Variants in KNG1 observed in about 807,000 individuals in gnomAD.
The protein encoded by KNG1 is kininogen-1.
A neutral mutation model predicts 47.8 loss-of-function variants in KNG1; 23 were observed. That is an observed-to-expected ratio of 0.48 (90% confidence interval 0.35 to 0.68). KNG1 has a LOEUF of 0.68. KNG1 is among the 30% of genes least tolerant of loss of function. KNG1 has a pLI of 0.01. For missense variants in KNG1, 762 were observed against 790.2 expected (o/e 0.96, Z 0.43); for synonymous variants, 277 against 277.0 (o/e 1.00, Z 0.00).
rs1720537220 is a variant in KNG1, at chr3:186,731,643, CAT to C, written c.757+15_757+16del. 6.7e-7 allele frequency: 1 copy of C among 1,495,676 alleles called. No homozygotes were observed. Among genetic ancestry groups the C allele is most frequent in the Non-Finnish European group, 9.3e-7 (1 of 1,072,050 alleles). The allele number at this position is 1,495,676 out of a possible 1,614,324, so 92.7% of individuals were successfully genotyped here. A position where few individuals can be genotyped will look rare whatever the true frequency, so the allele number is the denominator to read the frequency against. On this transcript the variant is annotated intron_variant, in intron 6 of 9. Coordinates refer to ENST00000644859, the MANE Select transcript of KNG1 (RefSeq NM_001102416.3). ...ACATTTATCCAGGTAAGGAATAACA[CAT>C]GTTGGCACCGCAATAGAGGAATAGT...
chr3:186,723,936 G>T (rs1014591129), intron 3 of KNG1, among the ~76,000 whole-genome samples: 1 of 152,188 alleles, frequency 6.6e-6, no homozygotes, highest in African/African-American at 2.4e-5. Context: ...TTACAGGTGT[G>T]AGCCACTGTG....
chr3:186,742,218 G>T lies in KNG1; in HGVS notation c.1822G>T (p.Asp608Tyr). 6.2e-7 allele frequency: 1 copy of T among 1,614,164 alleles called. No individual in the cohort carries two copies. Among genetic ancestry groups the T allele is most frequent in the Non-Finnish European group, 8.5e-7 (1 of 1,180,028 alleles). ...LSFNPISDFP[D>Y]TTSPKCPGRP... ...ATTTAACCCAATATCAGATTTTCCA[G>T]ACACGACCTCCCCAAAATGTCCTGG... The change falls in exon 10 of 10, where the codon GAC becomes TAC. Residue 608 changes from aspartate to tyrosine, a missense_variant. Transcript: ENST00000644859.
At position 186,726,274 on chromosome 3, in the gene KNG1, C is replaced by CTTTTTTTTT. The variant is rs774226752; in HGVS notation, c.565-951_565-943dup. The stretch of plus-strand genomic sequence containing the variant: ...GATTCAGTACACCCAGACTTTTCTT[C>CTTTTTTTTT]TTTTTTTTTTTTTTTTTTTTGTTTT... On this transcript the variant is annotated intron_variant, in intron 4 of 9. Coordinates refer to ENST00000644859, the MANE Select transcript of KNG1 (RefSeq NM_001102416.3). Among the ~76,000 whole-genome samples the CTTTTTTTTT allele has an allele frequency of 9.8e-4, 111 of 113,680 alleles. 2 individuals are homozygous for CTTTTTTTTT. Among genetic ancestry groups the CTTTTTTTTT allele is most frequent in the African/African-American group, 1.8e-3 (57 of 31,904 alleles). 74.6% of individuals were successfully genotyped at this position (113,680 alleles called of 152,430 possible). A position where few individuals can be genotyped will look rare whatever the true frequency, so the allele number is the denominator to read the frequency against.
rs528606836 is a variant in KNG1 at position 186,742,485 on chromosome 3, C to A, written c.*154C>A. ...AGTGGTGAGACTCCCAGTGGAGACA[C>A]CATCAGTCTCCACGGACTGCATAAA... On this transcript the variant is annotated 3_prime_UTR_variant, in exon 10 of 10. Coordinates refer to ENST00000644859, the MANE Select transcript of KNG1 (RefSeq NM_001102416.3). 1.8e-4 allele frequency: 260 copies of A among 1,467,856 alleles called. No individual in the cohort carries two copies. The highest frequency in any genetic ancestry group is 4.3e-4 in the Admixed American group (17 of 39,248). 90.9% of individuals were successfully genotyped at this position (1,467,856 alleles called of 1,614,324 possible).
intron 9 of KNG1, among the ~76,000 whole-genome samples, chr3:186,740,975 GTTT>G (rs201397028): frequency 2.1e-4 from 28 of 135,486 alleles, no homozygotes; most frequent in Admixed American, 7.1e-5. Context: ...GGGTTTTTTT[GTTT>G]TTTTTTTGTT....
At position 186,744,206 on chromosome 3, in the gene KNG1, A is replaced by G. The variant is rs1560072541; in HGVS notation, c.*1875A>G. On this transcript the variant is annotated 3_prime_UTR_variant, in exon 10 of 10. Coordinates refer to ENST00000644859, the MANE Select transcript of KNG1 (RefSeq NM_001102416.3). ...CTCTTTCTCCAGATTTCCAAGCCTT[A>G]GCTAAGAGTAATTTGGCTTGTTTAG... The G allele has an allele frequency of 4.7e-6, 1 of 211,714 alleles. No homozygotes were observed. Among genetic ancestry groups the G allele is most frequent in the East Asian group, 1.1e-4 (1 of 9,476 alleles). The allele number at this position is 211,714 out of a possible 1,614,324, so 13.1% of individuals were successfully genotyped here.
chr3:186,720,628 T>C (rs1720164080), intron 2 of KNG1: 1 of 289,008 alleles, frequency 3.5e-6, no homozygotes, highest in South Asian at 3.9e-5. Flanking sequence ...CTCTCAGAAC[T>C]GGCACTTTCT....
At chr3:186,724,293 C>G (rs1055443765) in intron 3 of KNG1, among the ~76,000 whole-genome samples, 2 of 152,216 alleles carry the variant, frequency 1.3e-5, no homozygotes, top group African/African-American at 2.4e-5. Context: ...GAAGTCCAGG[C>G]TCCCAGGGGG....
intron 4 of KNG1, 42 bp downstream of exon 4, chr3:186,725,302 T>C: frequency 6.3e-7 from 1 of 1,576,454 alleles, no homozygotes; most frequent in Non-Finnish European, 8.7e-7. Flanking sequence ...ATTACTAAAA[T>C]TTGTTAGATC....
At chr3:186,720,618 C>T (rs1182178241) in intron 2 of KNG1, 6 of 293,706 alleles carry the variant, frequency 2.0e-5, no homozygotes, top group Non-Finnish European at 3.9e-5. Flanking sequence ...GAGCTGTGAC[C>T]TCTCAGAACT....
chr3:186,738,846 CA>C (rs750081275), intron 7 of KNG1: 19,903 of 278,702 alleles, frequency 0.071, no homozygotes, highest in South Asian at 0.13. Flanking sequence ...AACTCCATCT[CA>C]AAAAAAAAAA....
At position 186,720,195 on chromosome 3, in the gene KNG1, T is replaced by C. The variant is rs1720147185; in HGVS notation, c.286T>C (p.Tyr96His). The C allele has an allele frequency of 6.2e-7, 1 of 1,611,014 alleles. No homozygotes were observed. The highest frequency in any genetic ancestry group is 8.5e-7 in the Non-Finnish European group (1 of 1,177,366). The change falls in exon 2 of 10, where the codon TAC becomes CAC. Residue 96 changes from tyrosine to histidine, a missense_variant. Physicochemically the swap from Tyr to His is moderately conservative, Grantham distance 83. Coordinates refer to ENST00000644859, the MANE Select transcript of KNG1 (RefSeq NM_001102416.3). The stretch of plus-strand genomic sequence containing the variant: ...TGGCAAAACCTGGCAGGACTGTGAG[T>C]ACAAGGATGCTGCAAAAGCAGTAAG... The part of the protein sequence containing the change: ...QSGKTWQDCE[Y>H]KDAAKAATGE...
At chr3:186,740,508 A>G (rs1217446615) in intron 9 of KNG1, among the ~76,000 whole-genome samples, 1 of 152,220 alleles carries the variant, frequency 6.6e-6, no homozygotes, top group Non-Finnish European at 1.5e-5. Context: ...TCCAATGACC[A>G]TGTTCTTTGC....
At chr3:186,735,272 G>A (rs899693651) in intron 7 of KNG1, among the ~76,000 whole-genome samples, 1 of 152,060 alleles carries the variant, frequency 6.6e-6, no homozygotes, top group Non-Finnish European at 1.5e-5. Flanking sequence ...GATCACTTGA[G>A]CCCAGGAGCG....
chr3:186,717,843 CCACCCACCACCCACCACCA>C (rs1720031968), intron 1 of KNG1, 106 bp downstream of exon 1: 1 of 330,520 alleles, frequency 3.0e-6, no homozygotes, highest in Non-Finnish European at 5.1e-6. Context: ...CCCACCACCA[CCACCCACCACCCACCACCA>C]TCACCCACCA....
intron 2 of KNG1, chr3:186,721,550 CACA>C (rs369981795): frequency 6.6e-6 from 1 of 152,338 alleles, no homozygotes; most frequent in East Asian, 1.9e-4. Flanking sequence ...ACATACTGTT[CACA>C]ACAACTCTAA....
At position 186,732,493 on chromosome 3, in the gene KNG1, T is replaced by A. The variant is rs1168712531; in HGVS notation, c.758-9T>A. The A allele has an allele frequency of 6.2e-7, 1 of 1,613,976 alleles. No homozygotes were observed. Among genetic ancestry groups the A allele is most frequent in the Admixed American group, 1.7e-5 (1 of 60,000 alleles). On this transcript the variant is annotated splice_polypyrimidine_tract_variant and intron_variant, in intron 6 of 9. Coordinates refer to ENST00000644859, the MANE Select transcript of KNG1 (RefSeq NM_001102416.3). ...GTGTACATGTTGACTTAAAACCTGATCCTTTCAGGGAAGGATTTTGTACAA... is the reference window on the plus strand; with the variant it reads ...GTGTACATGTTGACTTAAAACCTGAACCTTTCAGGGAAGGATTTTGTACAA...
At chr3:186,724,467 C>A (rs1720292734) in intron 3 of KNG1, among the ~76,000 whole-genome samples, 1 of 152,124 alleles carries the variant, frequency 6.6e-6, no homozygotes, top group Non-Finnish European at 1.5e-5. Flanking sequence ...GATATCTCAT[C>A]TCATAATGGT....
intron 4 of KNG1, among the ~76,000 whole-genome samples, chr3:186,725,612 T>C (rs1720343236): frequency 2.1e-5 from 3 of 139,668 alleles, no homozygotes; most frequent in Non-Finnish European, 4.5e-5. Context: ...TGGCGCGATC[T>C]CGGCTCACTG....
Sources: allele counts gnomAD v4.1 joint callset (sites outside exome capture counted in the v4.1 genomes callset), GRCh38; gene constraint gnomAD v4.1.1; transcripts MANE v1.5; gene names NCBI Gene and HGNC (gene_info 2026-07-23, HGNC 2026-07-21).